Variants in RNF123 observed in about 807,000 individuals in gnomAD.
RNF123 encodes the protein ring finger protein 123.
A neutral mutation model predicts 168.5 loss-of-function variants in RNF123; 86 were observed. The observed-to-expected ratio is 0.51, with a 90% CI of 0.43 to 0.61. RNF123 has a LOEUF of 0.61. Among genes scored for constraint, RNF123 ranks in the 20% least tolerant of loss-of-function variants. The pLI is 0.00. For synonymous variants in RNF123, 666 were observed against 689.1 expected (o/e 0.97, Z 0.52); for missense variants, 1,419 against 1,729.7 (o/e 0.82, Z 3.19).
intron 27 of RNF123, 78 bp from the exon 28 acceptor site, chr3:49,713,435 A>G (rs910323211): frequency 2.1e-6 from 3 of 1,418,712 alleles, no homozygotes; most frequent in African/African-American, 2.8e-5. Context: ...CTGCTACCCA[A>G]GTCCACCCAC....
Position 49,701,877 on chromosome 3 carries a change from C to T in RNF123, c.1462C>T (p.Arg488Trp), listed in dbSNP as rs780072848. The T allele has an allele frequency of 2.9e-5, 45 of 1,566,422 alleles. No individual in the cohort carries two copies. The highest frequency in any genetic ancestry group is 2.7e-4 in the South Asian group (23 of 85,228). ...EERLRRRAYERGCQRLRKRIE... is the reference protein window; with the variant it reads ...EERLRRRAYEWGCQRLRKRIE... ...GCGGCTGCGGCGGCGAGCCTACGAA[C>T]GGGGCTGTCAGCGGCTCAGGAAGCG... Residue 488 changes from arginine (R) to tryptophan (W), a missense_variant, in exon 17 of 39, where the codon CGG becomes TGG. Arg to Trp is a moderately radical substitution (Grantham distance 101). Transcript: ENST00000327697.
rs754925005 is a variant in RNF123 at position 49,720,809 on chromosome 3, A to G, written c.3653A>G (p.Tyr1218Cys). 4.0e-5 allele frequency: 65 copies of G among 1,614,088 alleles called. No homozygotes were observed. The Middle Eastern group carries it at 9.9e-4, about 24-fold the overall frequency. The change falls in exon 37 of 39, where the codon TAT becomes TGT. Residue 1218 changes from tyrosine to cysteine, a missense_variant. Around this residue, in one of 5 missense-constraint regions of RNF123, gnomAD observed 164 missense variants for 152.3 expected, o/e 1.08. Coordinates refer to ENST00000327697, the MANE Select transcript of RNF123 (RefSeq NM_022064.5). Reference protein sequence around the residue: ...KRFSLQSYADYISADELAQVE... With the variant: ...KRFSLQSYADCISADELAQVE... ...ACCTACCACTCCCCAGATGCGGATT[A>G]TATCAGTGCCGATGAGCTGGCCCAA...
At position 49,697,938 on chromosome 3, in the gene RNF123, A is replaced by G; in HGVS notation, c.396A>G (p.Lys132=). Residue 132 remains lysine (K), a splice_region_variant and synonymous_variant, in exon 6 of 39, where the codon AAA becomes AAG. Transcript: ENST00000327697. ...TCCGCTCTACCACATGCGTGTACAAAGGTGAGACCTTACCCTGCTGTGGCC... is the reference window on the plus strand; with the variant it reads ...TCCGCTCTACCACATGCGTGTACAAGGGTGAGACCTTACCCTGCTGTGGCC... ...GTIRSTTCVY[K]GKWLYEVLIS... 6.2e-7 allele frequency: 1 copy of G among 1,614,196 alleles called. No homozygotes were observed. The highest frequency in any genetic ancestry group is 2.2e-5 in the East Asian group (1 of 44,876).
intron 3 of RNF123, among the ~76,000 whole-genome samples, chr3:49,692,842 A>G (rs536789611): frequency 2.4e-4 from 36 of 152,308 alleles, no homozygotes; most frequent in African/African-American, 7.2e-4. Flanking sequence ...TCCGTTGTGT[A>G]TATGTACCAT....
chr3:49,719,635 G>A (rs1256600752), intron 35 of RNF123: 3 of 612,942 alleles, frequency 4.9e-6, no homozygotes, highest in Admixed American at 3.3e-5. Flanking sequence ...CAGGTTGTGA[G>A]GCGGTGCGGC....
intron 35 of RNF123, chr3:49,718,507 C>T: frequency 6.2e-7 from 1 of 1,613,142 alleles, no homozygotes; most frequent in Non-Finnish European, 8.5e-7. Flanking sequence ...TCCTGGCGCC[C>T]TGAGAAGCTC....
At chr3:49,707,130 C>T (rs1167634643) in intron 26 of RNF123, among the ~76,000 whole-genome samples, 4 of 152,156 alleles carry the variant, frequency 2.6e-5, no homozygotes, top group African/African-American at 7.2e-5. Context: ...ACCTGTCCTT[C>T]GAGGAACAAA....
rs1458761572 is a variant in RNF123, at chr3:49,702,033, G to T, written c.1496-50G>T. 4.4e-6 allele frequency: 7 copies of T among 1,597,180 alleles called. No individual in the cohort carries two copies. The South Asian group carries it at 7.8e-5, about 18-fold the overall frequency. On this transcript the variant is annotated intron_variant, in intron 17 of 38. Transcript: ENST00000327697. ...GGTGGTGGAGCCCTGGCCCAAACCT[G>T]CCCCCCATCTCCTGGAGCCTGAGGG...
At chr3:49,693,036 GTT>G (rs1199106015) in intron 3 of RNF123, among the ~76,000 whole-genome samples, 1 of 141,932 alleles carries the variant, frequency 7.0e-6, no homozygotes, top group Non-Finnish European at 1.6e-5. Context: ...TTTTAGTTTA[GTT>G]TTTTTTTTTT....
chr3:49,714,841 C>T lies in RNF123; in HGVS notation c.3010+667C>T, dbSNP rs2080209324. The stretch of plus-strand genomic sequence containing the variant: ...CTTGGCTCATGTAGTCTGTTTCTGC[C>T]CTTGTGGGCAGTGTTTTGGTCCAAA... On this transcript the variant is annotated intron_variant, in intron 31 of 38. Transcript: ENST00000327697. Among the ~76,000 whole-genome samples the T allele has an allele frequency of 2.6e-5, 4 of 152,208 alleles. No homozygotes were observed. In the South Asian group the frequency reaches 8.3e-4, roughly 32 times the overall value.
chr3:49,695,638 T>C (rs1236575346), intron 3 of RNF123, among the ~76,000 whole-genome samples: 1 of 152,232 alleles, frequency 6.6e-6, no homozygotes, highest in Non-Finnish European at 1.5e-5. Context: ...GGGTAGTGGC[T>C]ACTTTGTCAG....
chr3:49,721,024 C>G lies in RNF123; in HGVS notation c.3743C>G (p.Thr1248Ser), dbSNP rs764087552. 6.2e-7 allele frequency: 1 copy of G among 1,611,782 alleles called. No individual in the cohort carries two copies. The highest frequency in any genetic ancestry group is 8.5e-7 in the Non-Finnish European group (1 of 1,178,412). ...CCTTCACTCTCCTCCCTGCAGCCCA[C>G]CAGTGAGGAGGACCTCTGCCCCATC... ...SAQAAAASLP[T>S]SEEDLCPICY... Residue 1248 changes from threonine to serine, a missense_variant, in exon 38 of 39, where the codon ACC becomes AGC. By Grantham distance (58) the Thr-to-Ser change is moderately conservative. This residue lies in a region of RNF123 where 164 missense variants were observed against 152.3 expected (regional missense o/e 1.08). Transcript: ENST00000327697.
Position 49,700,525 on chromosome 3 carries a change from G to C in RNF123, c.1164G>C (p.Leu388=), listed in dbSNP as rs753825503. The change falls in exon 14 of 39, where the codon CTG becomes CTC. Residue 388 remains leucine, a synonymous_variant. Coordinates refer to ENST00000327697, the MANE Select transcript of RNF123 (RefSeq NM_022064.5). ...LKQLMMSLLR[L]YRFSPIVPDL... is the part of the protein sequence containing the mutation. ...AGTTGATGATGTCTCTGCTTCGGCT[G>C]TACCGATTCTCACCCATTGTCCCAG... 1 of 1,614,082 alleles carries C rather than the reference G, an allele frequency of 6.2e-7. No homozygotes were observed. Among genetic ancestry groups the C allele is most frequent in the Non-Finnish European group, 8.5e-7 (1 of 1,180,036 alleles).
rs1184447402 is a variant in RNF123 at position 49,700,286 on chromosome 3, G to A, written c.1044G>A (p.Lys348=). The A allele has an allele frequency of 6.2e-6, 10 of 1,614,102 alleles. No individual in the cohort carries two copies. The highest frequency in any genetic ancestry group is 1.3e-5 in the African/African-American group (1 of 74,938). ...LMSFLLGIVE[K]GTPTQAQSVV... is the part of the protein sequence containing the mutation. ...GCTTCTTGCTGGGCATCGTGGAGAA[G>A]GGCACACCCACACAGGCACAGTCCG... Residue 348 remains lysine, a synonymous_variant, in exon 13 of 39, where the codon AAG becomes AAA. Transcript: ENST00000327697.
Position 49,701,566 on chromosome 3 carries a change from G to A in RNF123, c.1353G>A (p.Glu451=). 1 of 1,613,834 alleles carries A rather than the reference G, an allele frequency of 6.2e-7. No homozygotes were observed. The highest frequency in any genetic ancestry group is 8.5e-7 in the Non-Finnish European group (1 of 1,180,022). ...GTGTGGAGGAGGCCGGCCTGCAGGA[G>A]CTCATTCCCACCACCTGGTGGCCCC... is the stretch of plus-strand genomic sequence containing the variant. ...PLRVEEAGLQ[E]LIPTTWWPHC... The change falls in exon 16 of 39, where the codon GAG becomes GAA. Residue 451 remains glutamate, a synonymous_variant. Transcript: ENST00000327697.
chr3:49,698,886 C>T, intron 9 of RNF123, 64 bp downstream of exon 9: 1 of 1,605,738 alleles, frequency 6.2e-7, no homozygotes, highest in Non-Finnish European at 8.5e-7. Flanking sequence ...CCCCCAGTTT[C>T]CTGGGCCCTG....
rs1239542168 is a variant in RNF123, at chr3:49,710,818, G to GA, written c.2497-1660dup. Among the ~76,000 whole-genome samples, 3 of 152,324 alleles carry GA rather than the reference G, an allele frequency of 2.0e-5. No homozygotes were observed. The East Asian group carries it at 5.8e-4, about 29-fold the overall frequency. ...CACTTGTCTTGTTCTTGGTCTGAGG[G>GA]AGGGAGGGATTATAGTCTGTTACCA... On this transcript the variant is annotated intron_variant, in intron 26 of 38. Coordinates refer to ENST00000327697, the MANE Select transcript of RNF123 (RefSeq NM_022064.5).
chr3:49,717,839 G>C, intron 35 of RNF123: 2 of 1,188,362 alleles, frequency 1.7e-6, no homozygotes, highest in African/African-American at 3.0e-5. Context: ...ACAGGAAGCT[G>C]GGGGGCCAGG....
intron 35 of RNF123, chr3:49,719,171 C>T: frequency 1.9e-6 from 3 of 1,613,544 alleles, no homozygotes; most frequent in Non-Finnish European, 1.7e-6. Context: ...CGACCCAGCG[C>T]ATCTAGTTCG....
Sources: gnomAD v4.1 joint callset for allele counts (sites outside exome capture counted in the v4.1 genomes callset) on GRCh38, gnomAD v4.1.1 for gene constraint, gnomAD v4.1.1 regional missense constraint, MANE v1.5 for transcripts, NCBI Gene and HGNC (gene_info 2026-07-23, HGNC 2026-07-21) for gene names.